The following LHX9 variants were observed in gnomAD, a reference collection of about 807,000 sequenced individuals.
The protein encoded by LHX9 is LIM homeobox 9.
LHX9 carries 9 observed loss-of-function variants against 36.5 expected under a neutral mutation model. That is an observed-to-expected ratio of 0.25 (90% CI 0.15 to 0.43). LHX9 has a LOEUF of 0.43. LHX9 is among the 20% of genes least tolerant of loss of function. The probability of loss-of-function intolerance (pLI) is 1.00; values close to 1 mark genes in which losing one functional copy is unlikely to be tolerated. For synonymous variants in LHX9, 211 were observed against 212.1 expected, an observed-to-expected ratio of 0.99 and a Z score of 0.04; for missense variants, 464 against 526.4, an observed-to-expected ratio of 0.88 and a Z score of 1.16.
intron 4 of LHX9, among the ~76,000 whole-genome samples, chr1:197,928,218 A>G (rs1457416265): frequency 6.6e-6 from 1 of 152,196 alleles, no homozygotes; most frequent in Non-Finnish European, 1.5e-5. Flanking sequence ...TTCAGGTGGA[A>G]CCTTTTTTCC....
chr1:197,934,578 A>G lies in LHX9; in HGVS notation c.*5319A>G, dbSNP rs1451838776. On this transcript the variant is annotated 3_prime_UTR_variant, in exon 5 of 5. Coordinates refer to ENST00000367387, the MANE Select transcript of LHX9 (RefSeq NM_020204.3). ...TGTAGTCTCTTCCACAACAGGGCAA[A>G]ATAAGCACAGTAGGACTTAGTCCAA... 2.0e-5 allele frequency: 3 copies of G among 152,208 alleles called. No homozygotes were observed. Among genetic ancestry groups the G allele is most frequent in the Admixed American group, 2.0e-4 (3 of 15,268 alleles). The allele number at this position is 152,208 out of a possible 1,614,324, so 9.4% of individuals were successfully genotyped here.
In LHX9 at chr1:197,931,767, T is replaced by C. The variant is rs998962031; in HGVS notation, c.*2508T>C. 3.7e-6 allele frequency: 2 copies of C among 542,466 alleles called. No homozygotes were observed. The highest frequency in any genetic ancestry group is 6.7e-6 in the Non-Finnish European group (2 of 300,470). The allele number at this position is 542,466 out of a possible 1,614,324, so 33.6% of individuals were successfully genotyped here. On this transcript the variant is annotated 3_prime_UTR_variant, in exon 5 of 5. Coordinates refer to ENST00000367387, the MANE Select transcript of LHX9 (RefSeq NM_020204.3). ...TAAAAAGGCTAATTAGCATATAAAGTAATTGCATGGAACGAAACCTTAAAT... is the reference window on the plus strand; with the variant it reads ...TAAAAAGGCTAATTAGCATATAAAGCAATTGCATGGAACGAAACCTTAAAT...
chr1:197,918,065 C>T, intron 1 of LHX9, 68 bp downstream of exon 1: 2 of 1,539,204 alleles, frequency 1.3e-6, no homozygotes, highest in Non-Finnish European at 1.8e-6. Context: ...AAGCCGACTC[C>T]CTGGCCGGTG....
chr1:197,918,499 C>T, intron 1 of LHX9: 1 of 654,712 alleles, frequency 1.5e-6, no homozygotes, highest in Middle Eastern at 4.0e-4. Context: ...TCTAGACGCT[C>T]GGGGCTTGGG....
chr1:197,922,606 A>G (rs1660026569), intron 3 of LHX9, among the ~76,000 whole-genome samples: 1 of 152,110 alleles, frequency 6.6e-6, no homozygotes, highest in South Asian at 2.1e-4. Context: ...GTGAGTCCCA[A>G]TCACTGGAAA....
upstream of LHX9, chr1:197,916,806 G>A (rs1020784113): frequency 1.4e-6 from 1 of 702,900 alleles, no homozygotes; most frequent in Non-Finnish European, 2.6e-6. Flanking sequence ...GATTGAGGAA[G>A]ATGGGATGGG....
In LHX9 at chr1:197,929,063, G is replaced by T. The variant is rs772578156; in HGVS notation, c.998G>T (p.Gly333Val). The change falls in exon 5 of 5, where the codon GGT becomes GTT. Residue 333 changes from glycine to valine, a missense_variant. Gly to Val is a moderately radical substitution (Grantham distance 109, BLOSUM62 -3). Around this residue, in one of 5 missense-constraint regions of LHX9, gnomAD observed 102 missense variants for 97.0 expected, o/e 1.05. Coordinates refer to ENST00000367387, the MANE Select transcript of LHX9 (RefSeq NM_020204.3). ...RRNLLRQENG[G>V]VDKADGTSLP... ...AACCTTTTGCGGCAGGAGAATGGGG[G>T]TGTTGATAAAGCTGACGGCACGTCG... is the stretch of plus-strand genomic sequence containing the variant. The T allele has an allele frequency of 3.7e-6, 6 of 1,613,592 alleles. No individual in the cohort carries two copies. Among genetic ancestry groups the T allele is most frequent in the Non-Finnish European group, 5.1e-6 (6 of 1,179,882 alleles).
At position 197,932,033 on chromosome 1, in the gene LHX9, A is replaced by G. The variant is rs1157212953; in HGVS notation, c.*2774A>G. 4 of 1,206,254 alleles carry G rather than the reference A, an allele frequency of 3.3e-6. No homozygotes were observed. Among genetic ancestry groups the G allele is most frequent in the Non-Finnish European group, 3.5e-6 (3 of 849,424 alleles). 74.7% of individuals were successfully genotyped at this position (1,206,254 alleles called of 1,614,324 possible). A position where few individuals can be genotyped will look rare whatever the true frequency, so the allele number is the denominator to read the frequency against. On this transcript the variant is annotated 3_prime_UTR_variant, in exon 5 of 5. Transcript: ENST00000367387. ...AATCCACTGCAGTGAAGACAAAGAC[A>G]CTATTAGGTTATGATAATCATACAT...
chr1:197,934,296 T>C lies in LHX9; in HGVS notation c.*5037T>C, dbSNP rs1423189308. ...GCCACATATAAATATCATCTCATTT[T>C]CTGTTGCAGTGTGACTGCAAGGCAT... is the stretch of plus-strand genomic sequence containing the variant. On this transcript the variant is annotated 3_prime_UTR_variant, in exon 5 of 5. Coordinates refer to ENST00000367387, the MANE Select transcript of LHX9 (RefSeq NM_020204.3). The C allele has an allele frequency of 6.6e-6, 1 of 152,184 alleles. No homozygotes were observed. The highest frequency in any genetic ancestry group is 2.4e-5 in the African/African-American group (1 of 41,432). 9.4% of individuals were successfully genotyped at this position (152,184 alleles called of 1,614,324 possible).
chr1:197,920,200 A>G, intron 2 of LHX9, 26 bp downstream of exon 2: 2 of 1,605,774 alleles, frequency 1.2e-6, no homozygotes, highest in South Asian at 2.2e-5. Context: ...CCCACTTCCT[A>G]CGCCCGAGTA....
chr1:197,929,875 C>T lies in LHX9; in HGVS notation c.*616C>T. ...AGTAATGATTAATTAGGTGAGAAAT[C>T]TATTACAGGAATGTGACTTTTCCTT... On this transcript the variant is annotated 3_prime_UTR_variant, in exon 5 of 5. Transcript: ENST00000367387. 1.0e-6 allele frequency: 1 copy of T among 960,276 alleles called. No individual in the cohort carries two copies. The highest frequency in any genetic ancestry group is 1.2e-6 in the Non-Finnish European group (1 of 806,936). 59.5% of individuals were successfully genotyped at this position (960,276 alleles called of 1,614,324 possible). A position where few individuals can be genotyped will look rare whatever the true frequency, so the allele number is the denominator to read the frequency against.
chr1:197,912,841 A>T (rs1467676168), upstream of LHX9: 2 of 510,686 alleles, frequency 3.9e-6, no homozygotes, highest in Non-Finnish European at 7.0e-6. Context: ...TCCTGGTTCC[A>T]CTGATCCTCC....
rs1405390232 is a variant in LHX9, at chr1:197,921,570, A to C, written c.644A>C (p.Tyr215Ser). 1 of 1,612,750 alleles carries C rather than the reference A, an allele frequency of 6.2e-7. No homozygotes were observed. The highest frequency in any genetic ancestry group is 1.3e-5 in the African/African-American group (1 of 75,038). The change falls in exon 3 of 5, where the codon TAC becomes TCC. Residue 215 changes from tyrosine (Y) to serine (S), a missense_variant. By Grantham distance (144) the Tyr-to-Ser change is moderately radical. Coordinates refer to ENST00000367387, the MANE Select transcript of LHX9 (RefSeq NM_020204.3). The surrounding 1 kb of genome is among the most constrained non-coding windows in gnomAD (Gnocchi z 4.6). The stretch of plus-strand genomic sequence containing the variant: ...AAGAGCGGCGGCCTGGCCCTGCCTT[A>C]CTTCAACGGTACGGGCACCGTGCAG... ...AAKSGGLALP[Y>S]FNGTGTVQKG...
chr1:197,926,395 G>A (rs1367410971), intron 3 of LHX9, among the ~76,000 whole-genome samples: 1 of 152,134 alleles, frequency 6.6e-6, no homozygotes, highest in African/African-American at 2.4e-5. Flanking sequence ...CTATCTGAAG[G>A]AAGAATTTAA....
At position 197,921,194 on chromosome 1, in the gene LHX9, C is replaced by A; in HGVS notation, c.378-110C>A. On this transcript the variant is annotated intron_variant, in intron 2 of 4. Coordinates refer to ENST00000367387, the MANE Select transcript of LHX9 (RefSeq NM_020204.3). The surrounding 1 kb of genome is among the most constrained non-coding windows in gnomAD (Gnocchi z 4.6). ...TGCCTACTCTCCTGTCCCCCTGGAA[C>A]CCTCCCAGGTCCCAGTCTCAGGCCA... 1.3e-6 allele frequency: 1 copy of A among 778,122 alleles called. No homozygotes were observed. Among genetic ancestry groups the A allele is most frequent in the Non-Finnish European group, 2.0e-6 (1 of 491,326 alleles). The allele number at this position is 778,122 out of a possible 1,614,324, so 48.2% of individuals were successfully genotyped here.
At chr1:197,923,079 T>C (rs1571403272) in intron 3 of LHX9, among the ~76,000 whole-genome samples, 1 of 152,336 alleles carries the variant, frequency 6.6e-6, no homozygotes, top group East Asian at 1.9e-4. Flanking sequence ...CCGACTGATC[T>C]AACTGAAGAG....
rs185320862 is a variant in LHX9, at chr1:197,921,122, C to A, written c.378-182C>A. The stretch of plus-strand genomic sequence containing the variant: ...ATTCTTCTGACTTTAATGTAAAGAT[C>A]CTTTGTCTTGGTTTATCAGAAAAGG... On this transcript the variant is annotated intron_variant, in intron 2 of 4. Coordinates refer to ENST00000367387, the MANE Select transcript of LHX9 (RefSeq NM_020204.3). The surrounding 1 kb of genome is among the most constrained non-coding windows in gnomAD (Gnocchi z 4.6). Among the ~76,000 whole-genome samples, 1 of 141,168 alleles carries A rather than the reference C, an allele frequency of 7.1e-6. No individual in the cohort carries two copies. The highest frequency in any genetic ancestry group is 1.7e-5 in the Non-Finnish European group (1 of 60,504). 92.6% of individuals were successfully genotyped at this position (141,168 alleles called of 152,430 possible).
At chr1:197,918,554 G>C (rs891377342) in intron 1 of LHX9, 11 of 604,296 alleles carry the variant, frequency 1.8e-5, no homozygotes, top group Non-Finnish European at 3.3e-5. Flanking sequence ...TCCCGACTCA[G>C]TCCCTCTAAG....
intron 3 of LHX9, among the ~76,000 whole-genome samples, chr1:197,925,840 T>A (rs78487275): frequency 6.6e-6 from 1 of 152,226 alleles, no homozygotes; most frequent in Non-Finnish European, 1.5e-5. Context: ...TTCGCATTAA[T>A]ACTCACTTGT....
Sources: allele counts gnomAD v4.1 joint callset (sites outside exome capture counted in the v4.1 genomes callset), GRCh38; gene constraint gnomAD v4.1.1; regional missense constraint gnomAD v4.1.1; non-coding constraint Gnocchi (gnomAD v3.1); transcripts MANE v1.5; gene names NCBI Gene and HGNC (gene_info 2026-07-23, HGNC 2026-07-21).